Variants in CLEC16A observed in about 807,000 individuals in gnomAD.
The protein encoded by CLEC16A is protein CLEC16A.
A neutral mutation model predicts 109.5 loss-of-function variants in CLEC16A; 51 were observed. The observed-to-expected ratio is 0.47, with a 90% confidence interval of 0.37 to 0.59. CLEC16A has a LOEUF of 0.59. Among genes scored for constraint, CLEC16A ranks in the 20% least tolerant of loss-of-function variants. The pLI is 0.00. For missense variants in CLEC16A, 1,339 were observed against 1,394.0 expected, an observed-to-expected ratio of 0.96 and a Z score of 0.63; for synonymous variants, 673 against 564.2, an observed-to-expected ratio of 1.19 and a Z score of -2.73.
chr16:10,992,763 G>A (rs1204021216), intron 10 of CLEC16A, among the ~76,000 whole-genome samples: 1 of 151,980 alleles, frequency 6.6e-6, no homozygotes, highest in African/African-American at 2.4e-5. Flanking sequence ...CAAGACATCT[G>A]TCCCTTCCCT....
intron 1 of CLEC16A, among the ~76,000 whole-genome samples, chr16:10,957,492 C>T (rs887764275): frequency 6.6e-6 from 1 of 152,240 alleles, no homozygotes; most frequent in African/African-American, 2.4e-5. Flanking sequence ...CCACTTGATT[C>T]AGTTCTCCGG....
intron 23 of CLEC16A, among the ~76,000 whole-genome samples, chr16:11,177,981 C>T (rs144842529): frequency 9.9e-5 from 15 of 152,148 alleles, no homozygotes; most frequent in African/African-American, 3.4e-4. Flanking sequence ...TATTTATCAT[C>T]AGGCAGGCCT....
At chr16:11,147,053 A>T (rs1301219687) in intron 22 of CLEC16A, among the ~76,000 whole-genome samples, 1 of 151,908 alleles carries the variant, frequency 6.6e-6, no homozygotes, top group Non-Finnish European at 1.5e-5. Flanking sequence ...ACCTGGGAGG[A>T]GGAGGTAGAG....
At chr16:11,129,870 C>G (rs139337054) in intron 22 of CLEC16A, among the ~76,000 whole-genome samples, 3 of 151,152 alleles carry the variant, frequency 2.0e-5, no homozygotes, top group African/African-American at 4.9e-5. Flanking sequence ...TCACACCATT[C>G]TCCTGCCTCA....
chr16:11,054,355 A>G (rs1394031585), intron 18 of CLEC16A, among the ~76,000 whole-genome samples: 1 of 152,210 alleles, frequency 6.6e-6, no homozygotes, highest in Non-Finnish European at 1.5e-5. Context: ...TTCCAGAGTT[A>G]TCGTGAGGAC....
At chr16:11,020,137 A>C in intron 11 of CLEC16A, 56 bp from the exon 12 acceptor site, 1 of 1,547,340 alleles carries the variant, frequency 6.5e-7, no homozygotes, top group Non-Finnish European at 8.7e-7. Context: ...GCATGTGTAT[A>C]AATCTAGGGC....
At chr16:11,063,573 C>T (rs2048606595) in intron 19 of CLEC16A, among the ~76,000 whole-genome samples, 1 of 152,120 alleles carries the variant, frequency 6.6e-6, no homozygotes, top group South Asian at 2.1e-4. Context: ...TGTCTCCAAA[C>T]AGCAGGAAGA....
At chr16:11,073,889 T>C (rs1327611115) in intron 19 of CLEC16A, among the ~76,000 whole-genome samples, 1 of 152,252 alleles carries the variant, frequency 6.6e-6, no homozygotes, top group Non-Finnish European at 1.5e-5. Flanking sequence ...TTCATTAACA[T>C]AGAAATAGCA....
chr16:10,946,053 G>C (rs765014562), intron 1 of CLEC16A, among the ~76,000 whole-genome samples: 9 of 152,132 alleles, frequency 5.9e-5, no homozygotes, highest in Non-Finnish European at 7.4e-5. Flanking sequence ...CAGGTGTGGA[G>C]GATGATGAAA....
chr16:11,034,128 A>G (rs1167595054), intron 13 of CLEC16A, among the ~76,000 whole-genome samples: 6 of 152,358 alleles, frequency 3.9e-5, no homozygotes, highest in Admixed American at 2.0e-4. Context: ...TTGAAAGGTA[A>G]TAGGCTAAAG....
At position 11,181,678 on chromosome 16, in the gene CLEC16A, G is replaced by T. The variant is rs200035484; in HGVS notation, c.*2988G>T. ...CCATCGCGTGGGATTGGGAGGAGGG[G>T]CCTCCGTGAGCAGCCCCTCCTCTGC... On this transcript the variant is annotated 3_prime_UTR_variant, in exon 24 of 24. Coordinates refer to ENST00000409790, the MANE Select transcript of CLEC16A (RefSeq NM_015226.3). The T allele has an allele frequency of 6.6e-6, 1 of 152,292 alleles. No homozygotes were observed. The highest frequency in any genetic ancestry group is 6.5e-5 in the Admixed American group (1 of 15,286). The allele number at this position is 152,292 out of a possible 1,614,324, so 9.4% of individuals were successfully genotyped here. A position where few individuals can be genotyped will look rare whatever the true frequency, so the allele number is the denominator to read the frequency against.
At chr16:11,022,291 A>C (rs899639065) in intron 12 of CLEC16A, among the ~76,000 whole-genome samples, 5 of 148,704 alleles carry the variant, frequency 3.4e-5, no homozygotes, top group South Asian at 2.1e-4. Flanking sequence ...TGTCCCCCCA[A>C]CTTGAGCAGT....
intron 10 of CLEC16A, among the ~76,000 whole-genome samples, chr16:11,000,805 G>A (rs994918868): frequency 1.3e-5 from 2 of 152,098 alleles, no homozygotes; most frequent in Admixed American, 1.3e-4. Context: ...GTTTTGTTTT[G>A]AGCGTTATTG....
intron 20 of CLEC16A, among the ~76,000 whole-genome samples, chr16:11,123,331 A>G (rs948291355): frequency 6.6e-6 from 1 of 152,232 alleles, no homozygotes; most frequent in African/African-American, 2.4e-5. Context: ...ATGAGCAACT[A>G]TATCTGAGAT....
At chr16:10,950,725 T>C (rs1191732068) in intron 1 of CLEC16A, among the ~76,000 whole-genome samples, 2 of 152,222 alleles carry the variant, frequency 1.3e-5, no homozygotes, top group African/African-American at 4.8e-5. Context: ...GCAGGGCCTC[T>C]GCCCGAGTGC....
chr16:11,126,029 C>G lies in CLEC16A; in HGVS notation c.2524C>G (p.Leu842Val). Residue 842 changes from leucine (L) to valine (V), a missense_variant, in exon 22 of 24, where the codon CTC becomes GTC. Around this residue, in one of 3 missense-constraint regions of CLEC16A, gnomAD observed 1,061 missense variants for 1,006.8 expected, o/e 1.05. Coordinates refer to ENST00000409790, the MANE Select transcript of CLEC16A (RefSeq NM_015226.3). ...CACCACTGAAGTCCTGGGGTTTGGA[C>G]TCGGCTCCTCCACCTCCACTCAGCA... Reference protein sequence around the residue: ...QPTTEVLGFGLGSSTSTQHLP... With the variant: ...QPTTEVLGFGVGSSTSTQHLP... The G allele has an allele frequency of 6.2e-7, 1 of 1,613,590 alleles. No individual in the cohort carries two copies. The highest frequency in any genetic ancestry group is 8.5e-7 in the Non-Finnish European group (1 of 1,179,824).
At chr16:10,963,527 G>A (rs1216618340) in intron 3 of CLEC16A, among the ~76,000 whole-genome samples, 1 of 152,218 alleles carries the variant, frequency 6.6e-6, no homozygotes, top group Non-Finnish European at 1.5e-5. Flanking sequence ...ACTGGAAGAA[G>A]TAAGACAAGG....
chr16:11,090,172 T>G (rs2152961862), intron 19 of CLEC16A, among the ~76,000 whole-genome samples: 1 of 152,330 alleles, frequency 6.6e-6, no homozygotes, highest in East Asian at 1.9e-4. Flanking sequence ...AAGGGGGACC[T>G]GCCTCATACG....
At chr16:11,117,092 C>T (rs1048023269) in intron 19 of CLEC16A, among the ~76,000 whole-genome samples, 3 of 152,128 alleles carry the variant, frequency 2.0e-5, no homozygotes, top group Admixed American at 1.3e-4. Flanking sequence ...AACCAAATAC[C>T]GCATGTTCTT....
Sources: gnomAD v4.1 joint callset for allele counts (sites outside exome capture counted in the v4.1 genomes callset) on GRCh38, gnomAD v4.1.1 for gene constraint, gnomAD v4.1.1 regional missense constraint, MANE v1.5 for transcripts, NCBI Gene and HGNC (gene_info 2026-07-23, HGNC 2026-07-21) for gene names.